EBF2: variants seen among roughly 807,000 people sequenced by gnomAD.
EBF2 encodes EBF transcription factor 2, also known as transcription factor COE2.
EBF2 carries 21 observed loss-of-function variants against 72.8 expected under a neutral mutation model. The observed-to-expected ratio is 0.29, with a 90% CI of 0.20 to 0.42. The LOEUF (loss-of-function observed/expected upper bound fraction) is 0.42. Among genes scored for constraint, EBF2 ranks in the 10% least tolerant of loss-of-function variants. The pLI is 1.00. For missense variants in EBF2, 637 were observed against 731.2 expected (o/e 0.87, Z 1.49); for synonymous variants, 299 against 274.2 (o/e 1.09, Z -0.89).
At chr8:25,884,439 G>C (rs1467867206) in intron 10 of EBF2, among the ~76,000 whole-genome samples, 1 of 152,160 alleles carries the variant, frequency 6.6e-6, no homozygotes, top group African/African-American at 2.4e-5. Context: ...GCCATCCTGG[G>C]ATTCAGGTCT....
At chr8:25,863,650 T>C (rs1276479561) in intron 10 of EBF2, among the ~76,000 whole-genome samples, 1 of 152,220 alleles carries the variant, frequency 6.6e-6, no homozygotes, top group Non-Finnish European at 1.5e-5. Context: ...ACTGCTGTTA[T>C]GCAGCAATAA....
intron 14 of EBF2, among the ~76,000 whole-genome samples, chr8:25,855,199 G>A (rs1333846312): frequency 6.6e-6 from 1 of 152,168 alleles, no homozygotes; most frequent in Non-Finnish European, 1.5e-5. Flanking sequence ...TGATTGGCTT[G>A]CATAGTCTCA....
chr8:25,871,394 A>T (rs1802438024), intron 10 of EBF2, among the ~76,000 whole-genome samples: 1 of 152,212 alleles, frequency 6.6e-6, no homozygotes, highest in African/African-American at 2.4e-5. Context: ...GGATACAGAG[A>T]AGTGCTGGCA....
chr8:25,977,774 G>A (rs952322277), intron 6 of EBF2, among the ~76,000 whole-genome samples: 5 of 152,128 alleles, frequency 3.3e-5, no homozygotes, highest in African/African-American at 1.2e-4. Flanking sequence ...TCTATGACAC[G>A]TGTCAAAGAC....
chr8:26,033,600 G>A (rs894648784), intron 5 of EBF2, among the ~76,000 whole-genome samples: 3 of 152,144 alleles, frequency 2.0e-5, no homozygotes, highest in Admixed American at 2.0e-4. Flanking sequence ...CCGAGGGGTG[G>A]TGCAGGGAGG....
In EBF2 at chr8:25,907,419, C is replaced by CAAAAAA. The variant is rs55695734; in HGVS notation, c.633+1049_633+1054dup. 4.2e-3 allele frequency among the ~76,000 whole-genome samples: 122 copies of CAAAAAA among 28,898 alleles called. 7 individuals are homozygous for CAAAAAA. The highest frequency in any genetic ancestry group is 5.7e-3 in the Non-Finnish European group (89 of 15,538). 19.0% of individuals were successfully genotyped at this position (28,898 alleles called of 152,430 possible). The stretch of plus-strand genomic sequence containing the variant: ...TAGGTGACAGAGTGAGACCCTGCCT[C>CAAAAAA]AAAAAAAAAAAAAAAAAAAAAAAAA... On this transcript the variant is annotated intron_variant, in intron 7 of 15. Coordinates refer to ENST00000520164, the MANE Select transcript of EBF2 (RefSeq NM_022659.4).
At chr8:25,866,619 T>TAA (rs1802326046) in intron 10 of EBF2, among the ~76,000 whole-genome samples, 1 of 117,350 alleles carries the variant, frequency 8.5e-6, no homozygotes, top group African/African-American at 3.8e-5. Flanking sequence ...TTATATTATA[T>TAA]TATATATATA....
intron 6 of EBF2, among the ~76,000 whole-genome samples, chr8:26,011,903 C>A (rs1444136937): frequency 6.6e-6 from 1 of 151,980 alleles, no homozygotes; most frequent in African/African-American, 2.4e-5. Flanking sequence ...CCCGGGCAAG[C>A]GTCCCCTCCT....
intron 6 of EBF2, among the ~76,000 whole-genome samples, chr8:26,000,367 C>T (rs1804704275): frequency 1.3e-5 from 2 of 152,074 alleles, no homozygotes; most frequent in African/African-American, 4.8e-5. Context: ...AGTGGTAAGT[C>T]TTGGGGAAGA....
At chr8:25,996,816 C>G (rs1329109666) in intron 6 of EBF2, among the ~76,000 whole-genome samples, 2 of 151,994 alleles carry the variant, frequency 1.3e-5, no homozygotes, top group African/African-American at 4.8e-5. Flanking sequence ...AAAGAGAACA[C>G]AAAGGCAAGT....
At chr8:25,953,866 G>T (rs1450575183) in intron 6 of EBF2, among the ~76,000 whole-genome samples, 1 of 152,232 alleles carries the variant, frequency 6.6e-6, no homozygotes, top group Non-Finnish European at 1.5e-5. Context: ...TTAGTAGACA[G>T]AGCCTCTGGT....
intron 6 of EBF2, among the ~76,000 whole-genome samples, chr8:25,963,400 G>A (rs947021372): frequency 1.3e-5 from 2 of 152,162 alleles, no homozygotes; most frequent in Non-Finnish European, 2.9e-5. Context: ...AGGCAGTTCT[G>A]TAAAATTCTT....
chr8:25,959,756 C>G (rs1273786706), intron 6 of EBF2, among the ~76,000 whole-genome samples: 1 of 152,108 alleles, frequency 6.6e-6, no homozygotes, highest in Non-Finnish European at 1.5e-5. Flanking sequence ...GGTTTCATTG[C>G]CTAGAATTAC....
chr8:25,978,156 C>T (rs937087121), intron 6 of EBF2, among the ~76,000 whole-genome samples: 5 of 152,096 alleles, frequency 3.3e-5, no homozygotes, highest in Admixed American at 3.3e-4. Flanking sequence ...CAGCCCCCTC[C>T]CCATGTGCTC....
In EBF2 at chr8:25,950,086, G is replaced by A. The variant is rs147833528; in HGVS notation, c.552-41531C>T. On this transcript the variant is annotated intron_variant, in intron 6 of 15. Transcript: ENST00000520164. ...AGAACCGTATTAATGAACATCATCCGAAGACCAGCTTCTATAAACCATGGC... is the reference window on the plus strand; with the variant it reads ...AGAACCGTATTAATGAACATCATCCAAAGACCAGCTTCTATAAACCATGGC... Among the ~76,000 whole-genome samples, 1,034 of 152,284 alleles carry A rather than the reference G, an allele frequency of 6.8e-3. 10 individuals are homozygous for A. Among genetic ancestry groups the A allele is most frequent in the African/African-American group, 0.024 (977 of 41,558 alleles).
At chr8:25,973,253 A>T (rs969763140) in intron 6 of EBF2, among the ~76,000 whole-genome samples, 1 of 152,128 alleles carries the variant, frequency 6.6e-6, no homozygotes, top group Non-Finnish European at 1.5e-5. Flanking sequence ...TAACATTAAG[A>T]TATGTATTGA....
At chr8:25,938,788 T>TG (rs1343881455) in intron 6 of EBF2, among the ~76,000 whole-genome samples, 3 of 152,076 alleles carry the variant, frequency 2.0e-5, no homozygotes, top group African/African-American at 4.8e-5. Flanking sequence ...CCCTGTGATG[T>TG]GGGGGGCCTC....
chr8:25,955,146 T>C (rs1276478237), intron 6 of EBF2, among the ~76,000 whole-genome samples: 3 of 152,218 alleles, frequency 2.0e-5, no homozygotes, highest in Non-Finnish European at 1.5e-5. Flanking sequence ...CATACCACTC[T>C]AGCGCCACAC....
intron 6 of EBF2, among the ~76,000 whole-genome samples, chr8:25,964,111 T>TAA (rs1248473397): frequency 1.3e-5 from 2 of 152,108 alleles, no homozygotes; most frequent in Non-Finnish European, 2.9e-5. Flanking sequence ...ACCCCGCACC[T>TAA]AAAGGTTCTC....
Sources: allele counts gnomAD v4.1 joint callset (sites outside exome capture counted in the v4.1 genomes callset), GRCh38; gene constraint gnomAD v4.1.1; transcripts MANE v1.5; gene names NCBI Gene and HGNC (gene_info 2026-07-23, HGNC 2026-07-21).